The following COL5A2 variants were observed in gnomAD, a reference collection of about 807,000 sequenced individuals.
COL5A2 encodes collagen alpha-2(V) chain.
COL5A2 carries 23 observed loss-of-function variants against 208.2 expected under a neutral mutation model. The observed-to-expected ratio is 0.11, with a 90% confidence interval of 0.08 to 0.16. The LOEUF (loss-of-function observed/expected upper bound fraction) is 0.16, where lower values mean the gene tolerates loss of function less well. COL5A2 is among the 10% of genes least tolerant of loss of function. The pLI is 1.00. For missense variants in COL5A2, 1,590 were observed against 1,956.4 expected (o/e 0.81, Z 3.53); for synonymous variants, 625 against 628.5 (o/e 0.99, Z 0.08).
chr2:189,440,748 GATTCT>G, the COL5A2 span, among the ~76,000 whole-genome samples: 2 of 152,210 alleles, frequency 1.3e-5, no homozygotes, highest in African/African-American at 4.8e-5. Flanking sequence ...CTAACCCACA[GATTCT>G]ATTCACTAAT....
chr2:189,435,613 A>C, the COL5A2 span, among the ~76,000 whole-genome samples: 1 of 152,248 alleles, frequency 6.6e-6, no homozygotes, highest in East Asian at 1.9e-4. Context: ...AATGCAAATC[A>C]AAACCACAAT....
At position 189,135,637 on chromosome 2, in the gene COL5A2, A is replaced by G. The variant is rs1576548877; in HGVS notation, c.98-25188T>C. On this transcript the variant is annotated intron_variant, in intron 1 of 53. Transcript: ENST00000374866. The stretch of plus-strand genomic sequence containing the variant: ...GCAAACACTATGCTTATATCTACAC[A>G]TTTAGGAAATCTCCAGATTAATGAA... Among the ~76,000 whole-genome samples, 4 of 152,298 alleles carry G rather than the reference A, an allele frequency of 2.6e-5. No homozygotes were observed. In the East Asian group the frequency reaches 7.7e-4, roughly 29 times the overall value.
chr2:189,371,415 A>G, the COL5A2 span, among the ~76,000 whole-genome samples: 1 of 152,174 alleles, frequency 6.6e-6, no homozygotes, highest in Non-Finnish European at 1.5e-5. Flanking sequence ...GAGGTCTCAG[A>G]AAAAGATAGA....
chr2:189,274,878 T>C, the COL5A2 span, among the ~76,000 whole-genome samples: 1 of 152,178 alleles, frequency 6.6e-6, no homozygotes, highest in Non-Finnish European at 1.5e-5. Context: ...TAAAATATAA[T>C]GCATTGATAC....
rs746841809 is a variant in COL5A2, at chr2:189,064,663, G to A, written c.1618-8C>T. The A allele has an allele frequency of 8.8e-6, 14 of 1,593,676 alleles. No homozygotes were observed. Among genetic ancestry groups the A allele is most frequent in the African/African-American group, 2.7e-5 (2 of 74,544 alleles). On this transcript the variant is annotated splice_polypyrimidine_tract_variant and splice_region_variant and intron_variant, in intron 24 of 53. Transcript: ENST00000374866. Reference sequence around the variant, plus strand: ...CCGTTCTCCTTGAGCACCCTGTACCGAGGCAAAGCAGATGCATGAAGAAAA... The same window carrying A: ...CCGTTCTCCTTGAGCACCCTGTACCAAGGCAAAGCAGATGCATGAAGAAAA...
chr2:189,246,024 A>G, the COL5A2 span, among the ~76,000 whole-genome samples: 1 of 152,190 alleles, frequency 6.6e-6, no homozygotes, highest in Non-Finnish European at 1.5e-5. Flanking sequence ...GACATTGTCA[A>G]TTTTACTTAG....
At chr2:189,199,482 G>A (rs1007441294) in intron 1 of COL5A2, among the ~76,000 whole-genome samples, 2 of 152,090 alleles carry the variant, frequency 1.3e-5, no homozygotes, top group Admixed American at 6.6e-5. Context: ...CTCTTAACTA[G>A]GCACAAGGGC....
At chr2:189,042,494 T>C (rs1182785041) in intron 49 of COL5A2, among the ~76,000 whole-genome samples, 1 of 152,166 alleles carries the variant, frequency 6.6e-6, no homozygotes, top group Admixed American at 6.5e-5. Flanking sequence ...ATCCAAACCC[T>C]AGGTAATAAA....
At chr2:189,049,644 C>A (rs115398478) in intron 43 of COL5A2, among the ~76,000 whole-genome samples, 190 bp from the exon 44 acceptor site, 4 of 152,144 alleles carry the variant, frequency 2.6e-5, no homozygotes, top group Non-Finnish European at 5.9e-5. Flanking sequence ...CTCCTCTTGA[C>A]GTATCTAAGG....
chr2:189,311,424 T>G, the COL5A2 span: 1 of 1,128,344 alleles, frequency 8.9e-7, no homozygotes, highest in Non-Finnish European at 1.3e-6. Context: ...TAGGTGGTGA[T>G]CTCAGCCTCC....
At chr2:189,136,472 T>G (rs1486942203) in intron 1 of COL5A2, among the ~76,000 whole-genome samples, 1 of 149,032 alleles carries the variant, frequency 6.7e-6, no homozygotes, top group East Asian at 1.9e-4. Context: ...GGTAGTTATA[T>G]ATACACTCAC....
intron 16 of COL5A2, among the ~76,000 whole-genome samples, chr2:189,077,198 A>T (rs1337888236): frequency 6.6e-6 from 1 of 152,102 alleles, no homozygotes; most frequent in African/African-American, 2.4e-5. Context: ...TAAGCCTCTA[A>T]TTTGGAAGAC....
At chr2:189,283,114 T>C in the COL5A2 span, among the ~76,000 whole-genome samples, 1 of 151,972 alleles carries the variant, frequency 6.6e-6, no homozygotes, top group African/African-American at 2.4e-5. Flanking sequence ...GATAAAGAGC[T>C]ATGGAGTCTT....
At chr2:189,098,457 A>G (rs562653662) in intron 5 of COL5A2, among the ~76,000 whole-genome samples, 2 of 152,360 alleles carry the variant, frequency 1.3e-5, no homozygotes, top group Non-Finnish European at 2.9e-5. Flanking sequence ...ACTAAAATTA[A>G]CAAATGTAAC....
At chr2:189,059,584 G>GTTTTTTTTTTTTTTTTTTTTTTT in intron 31 of COL5A2, among the ~76,000 whole-genome samples, 1 of 21,266 alleles carries the variant, frequency 4.7e-5, no homozygotes, top group South Asian at 2.0e-3. Context: ...TTTCTTTTCT[G>GTTTTTTTTTTTTTTTTTTTTTTT]GTTTTTTTTT....
the COL5A2 span, among the ~76,000 whole-genome samples, chr2:189,255,740 C>A: frequency 6.6e-6 from 1 of 151,986 alleles, no homozygotes; most frequent in African/African-American, 2.4e-5. Flanking sequence ...ATTAAAATAT[C>A]TAACTATAAC....
At chr2:189,125,103 T>C (rs1300547828) in intron 1 of COL5A2, among the ~76,000 whole-genome samples, 3 of 152,146 alleles carry the variant, frequency 2.0e-5, no homozygotes, top group Non-Finnish European at 4.4e-5. Flanking sequence ...ATGGGATTTA[T>C]TATGAACTCA....
At chr2:189,342,016 C>T in the COL5A2 span, among the ~76,000 whole-genome samples, 1 of 151,918 alleles carries the variant, frequency 6.6e-6, no homozygotes, top group Non-Finnish European at 1.5e-5. Context: ...GAAATAAGCA[C>T]CATTTAAACA....
Position 189,053,605 on chromosome 2 carries a change from G to C in COL5A2, c.2500-128C>G, listed in dbSNP as rs1194845625. On this transcript the variant is annotated intron_variant, in intron 37 of 53. Transcript: ENST00000374866. ...TAGAAAAATTACACATATTGCTTAA[G>C]GAAGGTCCTTAAGGATTATATAAAG... 3.3e-6 allele frequency: 3 copies of C among 914,288 alleles called. No homozygotes were observed. The East Asian group carries it at 7.9e-5, about 24-fold the overall frequency. The allele number at this position is 914,288 out of a possible 1,614,324, so 56.6% of individuals were successfully genotyped here.
Sources: allele counts gnomAD v4.1 joint callset (sites outside exome capture counted in the v4.1 genomes callset), GRCh38; gene constraint gnomAD v4.1.1; transcripts MANE v1.5; gene names NCBI Gene and HGNC (gene_info 2026-07-23, HGNC 2026-07-21).